The following HERC2 variants were observed in gnomAD, a reference collection of about 807,000 sequenced individuals.
HERC2 encodes the protein E3 ubiquitin-protein ligase HERC2.
A neutral mutation model predicts 537.7 loss-of-function variants in HERC2; 102 were observed. The observed-to-expected ratio is 0.19, with a 90% CI of 0.16 to 0.22. The LOEUF is 0.22. Ranked by LOEUF, HERC2 falls within the 10% of genes least tolerant of loss-of-function variation. The pLI, the probability that HERC2 is intolerant of heterozygous loss-of-function variation, is 1.00. For missense variants in HERC2, 4,236 were observed against 6,198.2 expected (o/e 0.68, Z 10.63); for synonymous variants, 2,224 against 2,466.2 (o/e 0.90, Z 2.91).
chr15:28,214,543 C>A (rs12900486), intron 40 of HERC2, 112 bp downstream of exon 40: 2 of 1,281,172 alleles, frequency 1.6e-6, no homozygotes, highest in Non-Finnish European at 2.2e-6. Context: ...CTCTGAGTGA[C>A]GGCACTGCGC....
intron 4 of HERC2, among the ~76,000 whole-genome samples, chr15:28,282,782 C>T (rs2076052321): frequency 6.6e-6 from 1 of 151,874 alleles, no homozygotes; most frequent in Non-Finnish European, 1.5e-5. Context: ...AAATACAAAA[C>T]TGAGCTGGGC....
intron 12 of HERC2, 96 bp from the exon 13 acceptor site, chr15:28,266,070 G>T: frequency 7.4e-7 from 1 of 1,348,440 alleles, no homozygotes; most frequent in Non-Finnish European, 1.0e-6. Context: ...ATTTAGACCA[G>T]CATAGCATCA....
intron 66 of HERC2, 95 bp downstream of exon 66, chr15:28,169,389 T>C (rs190154005): frequency 1.1e-6 from 1 of 882,130 alleles, no homozygotes; most frequent in East Asian, 2.5e-5. Flanking sequence ...TAATACAACA[T>C]TCTTGGAGAC....
At chr15:28,282,892 C>T (rs1667395) in intron 4 of HERC2, among the ~76,000 whole-genome samples, 148,050 of 151,412 alleles carry the variant, frequency 0.98, 72,438 homozygotes, top group Non-Finnish European at 0.99. Context: ...AGAACGTCCA[C>T]TGCACTCCAG....
At chr15:28,114,239 G>C (rs534299968) in intron 90 of HERC2, among the ~76,000 whole-genome samples, 1 of 152,318 alleles carries the variant, frequency 6.6e-6, no homozygotes, top group Non-Finnish European at 1.5e-5. Context: ...GTCACACCTG[G>C]GCGCCTGGCA....
intron 7 of HERC2, chr15:28,273,281 A>T (rs555673175): frequency 2.1e-6 from 1 of 482,354 alleles, no homozygotes; most frequent in African/African-American, 2.0e-5. Flanking sequence ...AATTTATCTC[A>T]TTATCAAAAA....
chr15:28,270,600 C>A (rs2075697516), intron 10 of HERC2, 95 bp downstream of exon 10: 49 of 1,224,830 alleles, frequency 4.0e-5, no homozygotes, highest in Non-Finnish European at 5.6e-5. Flanking sequence ...CCTACCAATA[C>A]CAGAAAAAGC....
intron 14 of HERC2, among the ~76,000 whole-genome samples, chr15:28,264,363 G>A (rs2075502066): frequency 6.6e-6 from 1 of 152,136 alleles, no homozygotes; most frequent in South Asian, 2.1e-4. Context: ...TGGAGATGAC[G>A]CACTATTACA....
At chr15:28,201,621 A>C (rs1247567477) in intron 47 of HERC2, 67 bp from the exon 48 acceptor site, 1 of 951,604 alleles carries the variant, frequency 1.1e-6, no homozygotes, top group Non-Finnish European at 1.7e-6. Flanking sequence ...AAAAAGAAAT[A>C]AGTCTGTGAA....
At chr15:28,141,241 T>C (rs1037337225) in intron 78 of HERC2, among the ~76,000 whole-genome samples, 191 bp downstream of exon 78, 23 of 142,854 alleles carry the variant, frequency 1.6e-4, no homozygotes, top group Admixed American at 2.8e-4. Flanking sequence ...TGTCTTAAAC[T>C]TTTTTTTTTT....
At chr15:28,266,186 T>C (rs181036399) in intron 12 of HERC2, among the ~76,000 whole-genome samples, 1 of 152,226 alleles carries the variant, frequency 6.6e-6, no homozygotes, top group African/African-American at 2.4e-5. Context: ...CCAAACATGG[T>C]ACCCAGTAGA....
At chr15:28,300,030 T>G in intron 2 of HERC2, among the ~76,000 whole-genome samples, 2 of 135,816 alleles carry the variant, frequency 1.5e-5, no homozygotes, top group African/African-American at 2.7e-5. Flanking sequence ...TCAGCCTGAG[T>G]GACAAGAGCG....
At chr15:28,180,431 T>A (rs1318916662) in intron 57 of HERC2, among the ~76,000 whole-genome samples, 1 of 152,256 alleles carries the variant, frequency 6.6e-6, no homozygotes, top group Non-Finnish European at 1.5e-5. Context: ...TATGTATGGT[T>A]ACATTAACCA....
intron 65 of HERC2, among the ~76,000 whole-genome samples, chr15:28,173,783 CCT>C (rs1158427524): frequency 7.0e-6 from 1 of 142,418 alleles, no homozygotes; most frequent in Non-Finnish European, 1.5e-5. Flanking sequence ...AGAGTGAGAC[CCT>C]GTCTACAAAA....
At chr15:28,185,109 T>C (rs1479938522) in intron 56 of HERC2, among the ~76,000 whole-genome samples, 1 of 151,472 alleles carries the variant, frequency 6.6e-6, no homozygotes, top group Non-Finnish European at 1.5e-5. Flanking sequence ...TTATAGATAC[T>C]ATTTTCTTTT....
At position 28,214,091 on chromosome 15, in the gene HERC2, T is replaced by A; in HGVS notation, c.6540A>T (p.Gly2180=). The stretch of plus-strand genomic sequence containing the variant: ...ACAAACCCACCCCTTCGGAAGGCCT[T>A]CCCACAAAGCTGTGGGTGATGGAGC... ...QLRSITHSFV[G]RPSEGAQLED... The change falls in exon 41 of 93, where the codon GGA becomes GGT. Residue 2180 remains glycine (G), a synonymous_variant. Coordinates refer to ENST00000261609, the MANE Select transcript of HERC2 (RefSeq NM_004667.6). 6.2e-7 allele frequency: 1 copy of A among 1,614,022 alleles called. No homozygotes were observed. The highest frequency in any genetic ancestry group is 1.1e-5 in the South Asian group (1 of 91,062).
chr15:28,260,189 A>G (rs2075381646), intron 16 of HERC2, among the ~76,000 whole-genome samples: 1 of 152,098 alleles, frequency 6.6e-6, no homozygotes, highest in African/African-American at 2.4e-5. Context: ...AAGAAAAAAA[A>G]AAAATGTTTA....
intron 44 of HERC2, among the ~76,000 whole-genome samples, chr15:28,207,808 AGGCT>A: frequency 6.6e-6 from 1 of 152,006 alleles, no homozygotes; most frequent in Non-Finnish European, 1.5e-5. Context: ...TAAATAGTTT[AGGCT>A]GATGGGCTGT....
At position 28,202,367 on chromosome 15, in the gene HERC2, C is replaced by G. The variant is rs1482291037; in HGVS notation, c.7460G>C (p.Gly2487Ala). The G allele has an allele frequency of 1.2e-6, 2 of 1,613,828 alleles. No individual in the cohort carries two copies. Among genetic ancestry groups the G allele is most frequent in the Admixed American group, 3.3e-5 (2 of 60,004 alleles). Reference sequence around the variant, plus strand: ...AGTACCAGGCAAGCTGGATGCATTCCCGGAAGCACCAGTGAGAGACTTCAG... The same window carrying G: ...AGTACCAGGCAAGCTGGATGCATTCGCGGAAGCACCAGTGAGAGACTTCAG... ...FALKSLTGAS[G>A]NASSLPGVEA... The change falls in exon 46 of 93, where the codon GGG (glycine) becomes GCG (alanine). Residue 2487 changes from glycine (G) to alanine (A), a missense_variant. Coordinates refer to ENST00000261609, the MANE Select transcript of HERC2 (RefSeq NM_004667.6).
Sources: allele counts gnomAD v4.1 joint callset (sites outside exome capture counted in the v4.1 genomes callset), GRCh38; gene constraint gnomAD v4.1.1; transcripts MANE v1.5; gene names NCBI Gene and HGNC (gene_info 2026-07-23, HGNC 2026-07-21).